The following PGM2L1 variants were observed in gnomAD, a reference collection of about 807,000 sequenced individuals.
The protein encoded by PGM2L1 is glucose 1,6-bisphosphate synthase.
Under a neutral mutation model 73.4 loss-of-function variants are expected in PGM2L1, and 35 were observed. The ratio of observed to expected loss-of-function variants is 0.48; its 90% CI spans 0.36 to 0.63. The LOEUF (loss-of-function observed/expected upper bound fraction) is 0.63. PGM2L1 is among the 30% of genes least tolerant of loss of function. The pLI, the probability that PGM2L1 is intolerant of heterozygous loss-of-function variation, is 0.00. For synonymous variants in PGM2L1, 225 were observed against 253.8 expected (o/e 0.89, Z 1.08); for missense variants, 570 against 742.0 (o/e 0.77, Z 2.69).
In PGM2L1 at chr11:74,351,365, A is replaced by ATCCT. The variant is rs757087042; in HGVS notation, c.749+17_749+18insAGGA. On this transcript the variant is annotated intron_variant, in intron 6 of 13. Transcript: ENST00000298198. Reference sequence around the variant, plus strand: ...CGTTATTCTGAAGTAGTATTATCTGATATTCTCACTTGGATACCTGTAAAA... The same window carrying ATCCT: ...CGTTATTCTGAAGTAGTATTATCTGATCCTTATTCTCACTTGGATACCTGTAAAA... The ATCCT allele has an allele frequency of 6.3e-7, 1 of 1,594,610 alleles. No individual in the cohort carries two copies. Among genetic ancestry groups the ATCCT allele is most frequent in the Admixed American group, 1.7e-5 (1 of 57,170 alleles).
intron 5 of PGM2L1, among the ~76,000 whole-genome samples, chr11:74,360,139 A>C (rs1862532660): frequency 2.0e-5 from 3 of 152,242 alleles, no homozygotes; most frequent in African/African-American, 7.2e-5. Flanking sequence ...CTGAGGCAGG[A>C]GGATTGCTTG....
intron 5 of PGM2L1, among the ~76,000 whole-genome samples, chr11:74,356,017 A>T (rs1429528537): frequency 6.6e-6 from 1 of 151,972 alleles, no homozygotes; most frequent in African/African-American, 2.4e-5. Context: ...GTTGATTGCT[A>T]AATGTAATAG....
At chr11:74,380,707 TAC>T (rs1862930129) in intron 1 of PGM2L1, among the ~76,000 whole-genome samples, 2 of 152,192 alleles carry the variant, frequency 1.3e-5, no homozygotes, top group Non-Finnish European at 2.9e-5. Flanking sequence ...ACAAAGCACA[TAC>T]ATTGAGCTCA....
chr11:74,358,914 A>C (rs1205054859), intron 5 of PGM2L1, among the ~76,000 whole-genome samples: 1 of 152,050 alleles, frequency 6.6e-6, no homozygotes, highest in South Asian at 2.1e-4. Flanking sequence ...AAACAAAAAA[A>C]CCCAAAAGTT....
At chr11:74,360,511 C>T (rs1862542984) in intron 5 of PGM2L1, among the ~76,000 whole-genome samples, 1 of 152,020 alleles carries the variant, frequency 6.6e-6, no homozygotes, top group Non-Finnish European at 1.5e-5. Context: ...TTCTGCATTT[C>T]CAACTGAGGT....
In PGM2L1 at chr11:74,390,941, G is replaced by A. The variant is rs78223480; in HGVS notation, c.111+7110C>T. On this transcript the variant is annotated intron_variant, in intron 1 of 13. Coordinates refer to ENST00000298198, the MANE Select transcript of PGM2L1 (RefSeq NM_173582.6). ...ACAGAAAGCAGAATGGTGGGTGCTA[G>A]AGGCTTAGGGGACGAAGAAATGGGG... is the stretch of plus-strand genomic sequence containing the variant. Among the ~76,000 whole-genome samples, 10 of 152,310 alleles carry A rather than the reference G, an allele frequency of 6.6e-5. No individual in the cohort carries two copies. In the East Asian group the frequency reaches 1.9e-3, roughly 29 times the overall value.
intron 1 of PGM2L1, among the ~76,000 whole-genome samples, chr11:74,377,121 T>C (rs1049083430): frequency 4.0e-5 from 6 of 151,088 alleles, no homozygotes; most frequent in Non-Finnish European, 5.9e-5. Context: ...ATAAACTAAT[T>C]ATCATTATTA....
intron 12 of PGM2L1, among the ~76,000 whole-genome samples, chr11:74,341,679 G>A (rs183797884): frequency 7.7e-5 from 10 of 129,346 alleles, no homozygotes; most frequent in African/African-American, 1.9e-4. Flanking sequence ...TAGACAGAGC[G>A]AGACACTGTC....
At chr11:74,338,000 T>A (rs2134877576) in intron 13 of PGM2L1, among the ~76,000 whole-genome samples, 1 of 152,278 alleles carries the variant, frequency 6.6e-6, no homozygotes. Flanking sequence ...ATAATCTGAA[T>A]GTCCATCAAA....
chr11:74,355,245 A>T, intron 5 of PGM2L1: 1 of 1,310,876 alleles, frequency 7.6e-7, no homozygotes, highest in Non-Finnish European at 1.1e-6. Flanking sequence ...TGGCAATTAC[A>T]ACAATCAGTC....
intron 1 of PGM2L1, among the ~76,000 whole-genome samples, chr11:74,383,832 T>A (rs192920751): frequency 7.2e-6 from 1 of 139,710 alleles, no homozygotes; most frequent in African/African-American, 2.9e-5. Context: ...TAAATATATA[T>A]ATATATATAT....
rs917078996 is a variant in PGM2L1, at chr11:74,371,001, A to C, written c.387-15T>G. On this transcript the variant is annotated splice_polypyrimidine_tract_variant and intron_variant, in intron 3 of 13. Transcript: ENST00000298198. Reference sequence around the variant, plus strand: ...GTTTAGCAAGCCTAAAAAAAGAGAGATTTAACTTAGTCCTTTGCCTACCAT... The same window carrying C: ...GTTTAGCAAGCCTAAAAAAAGAGAGCTTTAACTTAGTCCTTTGCCTACCAT... 1 of 1,606,588 alleles carries C rather than the reference A, an allele frequency of 6.2e-7. No homozygotes were observed. The highest frequency in any genetic ancestry group is 8.5e-7 in the Non-Finnish European group (1 of 1,173,782).
intron 5 of PGM2L1, among the ~76,000 whole-genome samples, chr11:74,356,102 C>T (rs1862450318): frequency 6.6e-6 from 1 of 150,612 alleles, no homozygotes; most frequent in Non-Finnish European, 1.5e-5. Context: ...CTGAAGCCAT[C>T]TTGGTAAATT....
In PGM2L1 at chr11:74,362,528, A is replaced by C. The variant is rs543006900; in HGVS notation, c.555+5964T>G. On this transcript the variant is annotated intron_variant, in intron 5 of 13. Transcript: ENST00000298198. ...AGCTAACATCATAATGACAGGATCA[A>C]ATTCACACATAACAATATTAACCTT... is the stretch of plus-strand genomic sequence containing the variant. Among the ~76,000 whole-genome samples the C allele has an allele frequency of 3.4e-4, 52 of 152,346 alleles. No homozygotes were observed. In the East Asian group the frequency reaches 9.7e-3, roughly 28 times the overall value.
rs1232074319 is a variant in PGM2L1 at position 74,336,204 on chromosome 11, G to T, written c.*448C>A. ...CACTTTTTCATAACAATCAAGGAAA[G>T]TACCATTTTCTTGCCAATTTTATGG... On this transcript the variant is annotated 3_prime_UTR_variant, in exon 14 of 14. Transcript: ENST00000298198. 1 of 151,926 alleles carries T rather than the reference G, an allele frequency of 6.6e-6. No homozygotes were observed. Among genetic ancestry groups the T allele is most frequent in the Non-Finnish European group, 1.5e-5 (1 of 68,048 alleles). 9.4% of individuals were successfully genotyped at this position (151,926 alleles called of 1,614,324 possible).
At chr11:74,351,671 A>T in intron 5 of PGM2L1, 95 bp from the exon 6 acceptor site, 2 of 1,200,270 alleles carry the variant, frequency 1.7e-6, no homozygotes, top group East Asian at 5.1e-5. Context: ...TAAAAAGCAT[A>T]TCAAATTGAG....
In PGM2L1 at chr11:74,396,086, T is replaced by TAA. The variant is rs560577211; in HGVS notation, c.111+1963_111+1964dup. On this transcript the variant is annotated intron_variant, in intron 1 of 13. Transcript: ENST00000298198. ...GGGCAACATAGTGAGACCCCATTTCTAAAAAAAAAAAAATTTTTTTTAATT... is the reference window on the plus strand; with the variant it reads ...GGGCAACATAGTGAGACCCCATTTCTAAAAAAAAAAAAAAATTTTTTTTAATT... 1.4e-3 allele frequency among the ~76,000 whole-genome samples: 209 copies of TAA among 146,296 alleles called. 1 individual carries two copies. Among genetic ancestry groups the TAA allele is most frequent in the African/African-American group, 5.0e-3 (199 of 39,982 alleles).
At chr11:74,394,691 T>C (rs567734861) in intron 1 of PGM2L1, among the ~76,000 whole-genome samples, 1 of 152,338 alleles carries the variant, frequency 6.6e-6, no homozygotes, top group East Asian at 1.9e-4. Context: ...TCTATGCTTG[T>C]CATAGTTCTC....
chr11:74,379,713 C>G (rs1056066546), intron 1 of PGM2L1, among the ~76,000 whole-genome samples: 1 of 151,974 alleles, frequency 6.6e-6, no homozygotes, highest in Non-Finnish European at 1.5e-5. Context: ...CACCTGAGGT[C>G]AGGAGTTTGA....
Sources: allele counts gnomAD v4.1 joint callset (sites outside exome capture counted in the v4.1 genomes callset), GRCh38; gene constraint gnomAD v4.1.1; transcripts MANE v1.5; gene names NCBI Gene and HGNC (gene_info 2026-07-23, HGNC 2026-07-21).